The following HSPA12A variants were observed in gnomAD, a reference collection of about 807,000 sequenced individuals.
HSPA12A encodes the protein heat shock protein family A (Hsp70) member 12A, also known as heat shock 70 kDa protein 12A.
In HSPA12A, 28 loss-of-function variants were observed where a neutral mutation model predicts 69.2. The observed-to-expected ratio is 0.40, with a 90% CI of 0.30 to 0.55. HSPA12A has a LOEUF of 0.55. HSPA12A is among the 20% of genes least tolerant of loss of function. HSPA12A has a pLI of 0.38. For missense variants in HSPA12A, 686 were observed against 900.7 expected (o/e 0.76, Z 3.05); for synonymous variants, 345 against 370.5 (o/e 0.93, Z 0.79).
intron 1 of HSPA12A, among the ~76,000 whole-genome samples, chr10:116,725,521 G>C (rs1366455000): frequency 6.6e-6 from 1 of 152,162 alleles, no homozygotes; most frequent in African/African-American, 2.4e-5. Context: ...GAGCAGGGGA[G>C]GGGCACCAGG....
intron 2 of HSPA12A, among the ~76,000 whole-genome samples, chr10:116,770,332 G>T (rs1209355297): frequency 6.6e-6 from 1 of 152,190 alleles, no homozygotes; most frequent in East Asian, 1.9e-4. Flanking sequence ...CTGCAGACCC[G>T]CCAGTACAGA....
rs186802146 is a variant in HSPA12A at position 116,738,592 on chromosome 10, T to C, written c.40+3838A>G. On this transcript the variant is annotated intron_variant, in intron 1 of 11. Coordinates refer to ENST00000369209, the MANE Select transcript of HSPA12A (RefSeq NM_025015.3). ...CAGCCTCACAGGGTTGCTGGAGGAG[T>C]CAATGAGATACAGGCATACAAAGCT... Among the ~76,000 whole-genome samples, 116 of 151,890 alleles carry C rather than the reference T, an allele frequency of 7.6e-4. 1 individual carries two copies. The highest frequency in any genetic ancestry group is 6.6e-3 in the Admixed American group (101 of 15,268).
intron 2 of HSPA12A, among the ~76,000 whole-genome samples, chr10:116,789,494 C>T (rs1227573687): frequency 1.3e-5 from 2 of 152,090 alleles, no homozygotes; most frequent in African/African-American, 4.8e-5. Context: ...ATATTATCCT[C>T]TCGATGATAG....
chr10:116,711,351 C>T (rs1290036264), intron 1 of HSPA12A, among the ~76,000 whole-genome samples: 1 of 152,120 alleles, frequency 6.6e-6, no homozygotes, highest in African/African-American at 2.4e-5. Flanking sequence ...ATAGAGTTTC[C>T]TATAGTCGAG....
rs1176656419 is a variant in HSPA12A, at chr10:116,718,611, TC to T, written c.41-11327del. Among the ~76,000 whole-genome samples the T allele has an allele frequency of 4.6e-5, 7 of 152,156 alleles. No homozygotes were observed. The East Asian group carries it at 1.4e-3, about 30-fold the overall frequency. ...AAAGGCACCAACCTTGAGGGACACC[TC>T]CCAAGCAGGGCTGCACTTACCCAGA... On this transcript the variant is annotated intron_variant, in intron 1 of 11. Transcript: ENST00000369209.
upstream of HSPA12A, among the ~76,000 whole-genome samples, chr10:116,744,374 T>TC (rs754625948): frequency 2.0e-5 from 3 of 152,176 alleles, no homozygotes; most frequent in Non-Finnish European, 4.4e-5. Flanking sequence ...CTCAAGGCAC[T>TC]CGTTCCTCCC....
At chr10:116,741,806 C>G (rs1851517321) in intron 1 of HSPA12A, among the ~76,000 whole-genome samples, 2 of 152,218 alleles carry the variant, frequency 1.3e-5, no homozygotes, top group Admixed American at 6.5e-5. Context: ...GACCATCGAA[C>G]CCCCGCCGCT....
chr10:116,847,578 T>C (rs1282697310), intron 1 of HSPA12A, among the ~76,000 whole-genome samples: 2 of 152,226 alleles, frequency 1.3e-5, no homozygotes, highest in African/African-American at 2.4e-5. Context: ...TCCAGCCAGG[T>C]TGGTGTACTC....
chr10:116,770,669 G>C (rs529752810), intron 2 of HSPA12A, among the ~76,000 whole-genome samples: 1 of 152,230 alleles, frequency 6.6e-6, no homozygotes, highest in South Asian at 2.1e-4. Context: ...CTTCATAAAG[G>C]TCCATGGCTG....
intron 2 of HSPA12A, among the ~76,000 whole-genome samples, chr10:116,758,636 A>G (rs1554889014): frequency 6.6e-6 from 1 of 152,162 alleles, no homozygotes; most frequent in African/African-American, 2.4e-5. Flanking sequence ...GTGCATGTGT[A>G]TACATGTGTG....
chr10:116,765,969 C>T (rs782781499), intron 2 of HSPA12A, among the ~76,000 whole-genome samples: 21 of 152,246 alleles, frequency 1.4e-4, no homozygotes, highest in Non-Finnish European at 2.8e-4. Flanking sequence ...CTGCATTCCT[C>T]TCTGCAGCCG....
intron 1 of HSPA12A, among the ~76,000 whole-genome samples, chr10:116,741,479 CG>C (rs1247550081): frequency 2.0e-5 from 3 of 152,242 alleles, no homozygotes; most frequent in African/African-American, 7.2e-5. Flanking sequence ...CTCCTCTCCC[CG>C]GCGGCCGCTC....
chr10:116,767,466 G>A (rs1844105210), intron 2 of HSPA12A, among the ~76,000 whole-genome samples: 2 of 152,186 alleles, frequency 1.3e-5, no homozygotes, highest in South Asian at 4.1e-4. Context: ...GCTTGGCCCT[G>A]GGGCCTCGGG....
intron 2 of HSPA12A, among the ~76,000 whole-genome samples, chr10:116,705,489 G>A (rs1248194796): frequency 1.3e-5 from 2 of 152,252 alleles, no homozygotes; most frequent in East Asian, 1.9e-4. Context: ...GCATCCCTGA[G>A]TGGAGGGCCA....
At position 116,716,083 on chromosome 10, in the gene HSPA12A, C is replaced by T. The variant is rs555877580; in HGVS notation, c.41-8798G>A. 8.8e-4 allele frequency among the ~76,000 whole-genome samples: 134 copies of T among 152,062 alleles called. 2 individuals are homozygous for T. The South Asian group carries it at 0.026, about 29-fold the overall frequency. ...GCCAGCCAGATCTCAGGTACAGGGC[C>T]CTCTGGTCATCAGCTGACAGCTCCT... is the stretch of plus-strand genomic sequence containing the variant. On this transcript the variant is annotated intron_variant, in intron 1 of 11. Coordinates refer to ENST00000369209, the MANE Select transcript of HSPA12A (RefSeq NM_025015.3).
chr10:116,692,571 G>C, intron 5 of HSPA12A, 104 bp from the exon 6 acceptor site: 2 of 832,684 alleles, frequency 2.4e-6, no homozygotes, highest in South Asian at 3.1e-5. Context: ...GAGCTCTTCA[G>C]GAGCCAGTTT....
Position 116,734,019 on chromosome 10 carries a change from G to C in HSPA12A, c.40+8411C>G, listed in dbSNP as rs201619079. On this transcript the variant is annotated intron_variant, in intron 1 of 11. Transcript: ENST00000369209. ...AGGATTCATGAGGAAAACAAGGTCG[G>C]TGTACATCACTCCACACCTGCGGAA... Among the ~76,000 whole-genome samples the C allele has an allele frequency of 4.6e-5, 7 of 152,234 alleles. No homozygotes were observed. In the East Asian group the frequency reaches 1.2e-3, roughly 25 times the overall value.
chr10:116,779,304 G>C (rs1844410538), intron 2 of HSPA12A, among the ~76,000 whole-genome samples: 1 of 152,216 alleles, frequency 6.6e-6, no homozygotes, highest in African/African-American at 2.4e-5. Context: ...GAGTAGCAGG[G>C]AGGGGAGACA....
intron 7 of HSPA12A, chr10:116,683,455 A>G (rs1422062594): frequency 5.2e-6 from 1 of 191,846 alleles, no homozygotes; most frequent in Admixed American, 6.0e-5. Context: ...ATGGAATTAG[A>G]TTAAGAATCT....
Sources: gnomAD v4.1 joint callset for allele counts (sites outside exome capture counted in the v4.1 genomes callset) on GRCh38, gnomAD v4.1.1 for gene constraint, MANE v1.5 for transcripts, NCBI Gene and HGNC (gene_info 2026-07-23, HGNC 2026-07-21) for gene names.